Variants in TMEM120B observed in about 807,000 individuals in gnomAD.
TMEM120B encodes transmembrane protein 120B.
TMEM120B carries 31 observed loss-of-function variants against 55.5 expected under a neutral mutation model. The observed-to-expected ratio is 0.56, with a 90% CI of 0.42 to 0.75. The LOEUF is 0.75. Ranked by LOEUF, TMEM120B falls within the 30% of genes least tolerant of loss-of-function variation. The probability of loss-of-function intolerance (pLI) is 0.00; values close to 1 mark genes in which losing one functional copy is unlikely to be tolerated. For missense variants in TMEM120B, 399 were observed against 425.5 expected (o/e 0.94, Z 0.55); for synonymous variants, 203 against 176.3 (o/e 1.15, Z -1.20).
rs367663330 is a variant in TMEM120B, at chr12:121,771,063, G to A, written c.617+91G>A. On this transcript the variant is annotated intron_variant, in intron 7 of 11. Transcript: ENST00000449592. ...GAGGGGGCTGATCCAGACAGCGGTGGGGGGTGTGCTCCAGGGCCAACTTGG... is the reference window on the plus strand; with the variant it reads ...GAGGGGGCTGATCCAGACAGCGGTGAGGGGTGTGCTCCAGGGCCAACTTGG... The A allele has an allele frequency of 3.7e-5, 51 of 1,394,600 alleles. 1 individual carries two copies. In the Admixed American group the frequency reaches 8.5e-4, roughly 23 times the overall value. The allele number at this position is 1,394,600 out of a possible 1,614,324, so 86.4% of individuals were successfully genotyped here.
intron 6 of TMEM120B, among the ~76,000 whole-genome samples, chr12:121,766,261 T>C (rs1348906399): frequency 6.6e-6 from 1 of 152,132 alleles, no homozygotes; most frequent in Admixed American, 6.5e-5. Context: ...GTCTGGTGCC[T>C]GCCAAGTGAG....
In TMEM120B at chr12:121,777,799, A is replaced by C. The variant is rs983355311; in HGVS notation, c.*2077A>C. On this transcript the variant is annotated 3_prime_UTR_variant, in exon 12 of 12. Coordinates refer to ENST00000449592, the MANE Select transcript of TMEM120B (RefSeq NM_001080825.2). ...TTTATTTACAAATCAGGCTGTGGCC[A>C]GATGTGGCCCACAGGCTGTAGTTGT... is the stretch of plus-strand genomic sequence containing the variant. 2.0e-5 allele frequency: 3 copies of C among 152,240 alleles called. No homozygotes were observed. Among genetic ancestry groups the C allele is most frequent in the African/African-American group, 7.2e-5 (3 of 41,458 alleles). 9.4% of individuals were successfully genotyped at this position (152,240 alleles called of 1,614,324 possible).
In TMEM120B at chr12:121,781,708, T is replaced by C. The variant is rs1020701149; in HGVS notation, c.*5986T>C. The C allele has an allele frequency of 6.3e-6, 1 of 157,652 alleles. No individual in the cohort carries two copies. The highest frequency in any genetic ancestry group is 1.4e-5 in the Non-Finnish European group (1 of 70,830). The allele number at this position is 157,652 out of a possible 1,614,324, so 9.8% of individuals were successfully genotyped here. On this transcript the variant is annotated 3_prime_UTR_variant, in exon 12 of 12. Transcript: ENST00000449592. The stretch of plus-strand genomic sequence containing the variant: ...AGACCTGTGGGGCTGAGTGGGCTCA[T>C]AGTGTCCCCAAGTCCTGAGAGGCTG...
Position 121,754,434 on chromosome 12 carries a change from A to C in TMEM120B, c.461+2211A>C, listed in dbSNP as rs570832153. Among the ~76,000 whole-genome samples, 4 of 152,262 alleles carry C rather than the reference A, an allele frequency of 2.6e-5. No individual in the cohort carries two copies. The South Asian group carries it at 8.3e-4, about 32-fold the overall frequency. On this transcript the variant is annotated intron_variant, in intron 5 of 11. Coordinates refer to ENST00000449592, the MANE Select transcript of TMEM120B (RefSeq NM_001080825.2). Reference sequence around the variant, plus strand: ...GGGCCACTGTAACTAAGTACCATAGACTGGGGGCTTAAAACGACAGACACA... The same window carrying C: ...GGGCCACTGTAACTAAGTACCATAGCCTGGGGGCTTAAAACGACAGACACA...
At position 121,766,211 on chromosome 12, in the gene TMEM120B, G is replaced by A. The variant is rs1181435248; in HGVS notation, c.551+4473G>A. ...GTGGTCAGGGGAGCAGGTAGGGGTG[G>A]GGACTTCCTCATCGAGATATGAAGC... On this transcript the variant is annotated intron_variant, in intron 6 of 11. Transcript: ENST00000449592. 2.6e-5 allele frequency among the ~76,000 whole-genome samples: 4 copies of A among 152,184 alleles called. No individual in the cohort carries two copies. In the East Asian group the frequency reaches 7.7e-4, roughly 29 times the overall value.
chr12:121,723,893 C>A (rs1458031122), intron 1 of TMEM120B, among the ~76,000 whole-genome samples: 10 of 152,070 alleles, frequency 6.6e-5, no homozygotes, highest in African/African-American at 2.4e-4. Context: ...CCTTCACCTC[C>A]TGGCTCAAGT....
At chr12:121,753,123 G>T (rs1254327812) in intron 5 of TMEM120B, among the ~76,000 whole-genome samples, 2 of 151,882 alleles carry the variant, frequency 1.3e-5, no homozygotes, top group Non-Finnish European at 2.9e-5. Context: ...AAGGGAGAGA[G>T]AAATGAAGTA....
rs1380733032 is a variant in TMEM120B at position 121,780,579 on chromosome 12, T to C, written c.*4857T>C. 1.4e-5 allele frequency: 7 copies of C among 516,586 alleles called. No individual in the cohort carries two copies. The highest frequency in any genetic ancestry group is 2.4e-5 in the Non-Finnish European group (7 of 293,996). The allele number at this position is 516,586 out of a possible 1,614,324, so 32.0% of individuals were successfully genotyped here. A position where few individuals can be genotyped will look rare whatever the true frequency, so the allele number is the denominator to read the frequency against. ...GGATGGGACCAGATCCTGGCTCCAC[T>C]TCTCGCTAGCTGTGTGGCCCTGGGC... is the stretch of plus-strand genomic sequence containing the variant. On this transcript the variant is annotated 3_prime_UTR_variant, in exon 12 of 12. Transcript: ENST00000449592.
At position 121,779,415 on chromosome 12, in the gene TMEM120B, G is replaced by C. The variant is rs763163453; in HGVS notation, c.*3693G>C. 6.2e-6 allele frequency: 9 copies of C among 1,462,794 alleles called. No individual in the cohort carries two copies. The African/African-American group carries it at 1.3e-4, about 20-fold the overall frequency. 90.6% of individuals were successfully genotyped at this position (1,462,794 alleles called of 1,614,324 possible). The stretch of plus-strand genomic sequence containing the variant: ...CCCAGACACCATGAGCTGGAGGGTC[G>C]GGATGGGGCAGCCTCCCTGGTGCAA... On this transcript the variant is annotated 3_prime_UTR_variant, in exon 12 of 12. Transcript: ENST00000449592.
chr12:121,712,891 G>T lies in TMEM120B; in HGVS notation c.-5G>T. On this transcript the variant is annotated 5_prime_UTR_variant, in exon 1 of 12. Transcript: ENST00000449592. ...GCCGGCACCGCCGCCTTGCACCATCGCATCATGTCCGGGCAGCTGGAGCGT... is the reference window on the plus strand; with the variant it reads ...GCCGGCACCGCCGCCTTGCACCATCTCATCATGTCCGGGCAGCTGGAGCGT... 6.6e-7 allele frequency: 1 copy of T among 1,520,376 alleles called. No individual in the cohort carries two copies. The allele number at this position is 1,520,376 out of a possible 1,614,324, so 94.2% of individuals were successfully genotyped here.
chr12:121,737,813 C>T (rs1872799878), intron 1 of TMEM120B, among the ~76,000 whole-genome samples: 1 of 152,024 alleles, frequency 6.6e-6, no homozygotes, highest in African/African-American at 2.4e-5. Flanking sequence ...AGTTTGAGAC[C>T]AGCCTAGTCA....
Position 121,743,734 on chromosome 12 carries a change from C to T in TMEM120B, c.175C>T (p.Leu59Phe), listed in dbSNP as rs777432851. ...KQKKHLKDLK[L>F]TLQRCKRHAS... Reference sequence around the variant, plus strand: ...GAAGAAGCACCTCAAGGACTTGAAGCTTACACTCCAGAGGTAGGTGCAGCT... The same window carrying T: ...GAAGAAGCACCTCAAGGACTTGAAGTTTACACTCCAGAGGTAGGTGCAGCT... The change falls in exon 2 of 12, where the codon CTT (leucine) becomes TTT (phenylalanine). Residue 59 changes from leucine (L) to phenylalanine (F), a missense_variant. Physicochemically the swap from Leu to Phe is conservative, Grantham distance 22. Coordinates refer to ENST00000449592, the MANE Select transcript of TMEM120B (RefSeq NM_001080825.2). The T allele has an allele frequency of 6.2e-6, 10 of 1,612,648 alleles. No individual in the cohort carries two copies. In the Admixed American group the frequency reaches 8.3e-5, roughly 13 times the overall value.
intron 1 of TMEM120B, among the ~76,000 whole-genome samples, chr12:121,735,936 C>A (rs936653130): frequency 2.0e-5 from 3 of 151,896 alleles, no homozygotes; most frequent in African/African-American, 7.3e-5. Context: ...GTGATCCACC[C>A]GCATCGGCCT....
chr12:121,725,968 C>T (rs1461068858), intron 1 of TMEM120B, among the ~76,000 whole-genome samples: 2 of 146,274 alleles, frequency 1.4e-5, no homozygotes, highest in East Asian at 2.1e-4. Context: ...ACCTGAGAGG[C>T]GGAGGTTGCA....
intron 10 of TMEM120B, 101 bp downstream of exon 10, chr12:121,774,823 G>T: frequency 7.1e-7 from 1 of 1,416,856 alleles, no homozygotes; most frequent in Non-Finnish European, 9.7e-7. Context: ...TCCCCATGCT[G>T]GGGCCCACAG....
chr12:121,740,417 G>A (rs891283282), intron 1 of TMEM120B, among the ~76,000 whole-genome samples: 2 of 151,854 alleles, frequency 1.3e-5, no homozygotes, highest in African/African-American at 4.8e-5. Context: ...CCGGGGAGGT[G>A]AAGGTTGCAG....
In TMEM120B at chr12:121,775,334, G is replaced by T. The variant is rs2137422851; in HGVS notation, c.906+204G>T. The T allele has an allele frequency of 1.2e-6, 1 of 809,348 alleles. No individual in the cohort carries two copies. The highest frequency in any genetic ancestry group is 5.6e-5 in the South Asian group (1 of 17,722). 50.1% of individuals were successfully genotyped at this position (809,348 alleles called of 1,614,324 possible). A position where few individuals can be genotyped will look rare whatever the true frequency, so the allele number is the denominator to read the frequency against. On this transcript the variant is annotated intron_variant, in intron 11 of 11. Transcript: ENST00000449592. This position sits in a 1 kb window ranked among gnomAD's most constrained non-coding sequence, Gnocchi z 4.3. ...GCTGGCAGGTGTGGGGTGTTGTGGGGGGCCTGCTTGGCGGGAGGCTTCTGG... is the reference window on the plus strand; with the variant it reads ...GCTGGCAGGTGTGGGGTGTTGTGGGTGGCCTGCTTGGCGGGAGGCTTCTGG...
intron 1 of TMEM120B, among the ~76,000 whole-genome samples, chr12:121,741,668 G>A (rs940956879): frequency 1.8e-4 from 27 of 151,658 alleles, no homozygotes; most frequent in Non-Finnish European, 3.1e-4. Flanking sequence ...TATTTGAGAC[G>A]GAGTCTCACT....
intron 1 of TMEM120B, among the ~76,000 whole-genome samples, chr12:121,735,879 C>T (rs868719637): frequency 2.0e-5 from 3 of 151,882 alleles, no homozygotes; most frequent in Admixed American, 6.6e-5. Context: ...TTAGTAGAGA[C>T]GGGGGTTTCA....
Sources: gnomAD v4.1 joint callset for allele counts (sites outside exome capture counted in the v4.1 genomes callset) on GRCh38, gnomAD v4.1.1 for gene constraint, Gnocchi (gnomAD v3.1) non-coding constraint, MANE v1.5 for transcripts, NCBI Gene and HGNC (gene_info 2026-07-23, HGNC 2026-07-21) for gene names.